Variants in TXNL1 observed in about 807,000 individuals in gnomAD.
TXNL1 encodes thioredoxin-like protein 1.
In TXNL1, 14 loss-of-function variants were observed where a neutral mutation model predicts 35.5. That is an observed-to-expected ratio of 0.39 (90% CI 0.26 to 0.62). TXNL1 has a LOEUF of 0.62. Among genes scored for constraint, TXNL1 ranks in the 20% least tolerant of loss-of-function variants. The pLI, the probability that TXNL1 is intolerant of heterozygous loss-of-function variation, is 0.47. For synonymous variants in TXNL1, 110 were observed against 115.5 expected (o/e 0.95, Z 0.31); for missense variants, 263 against 349.7 (o/e 0.75, Z 1.98).
intron 3 of TXNL1, among the ~76,000 whole-genome samples, chr18:56,619,537 CAAAAA>C (rs71169375): frequency 2.4e-5 from 2 of 82,090 alleles, no homozygotes. Context: ...ACTCTGTCTC[CAAAAA>C]AAAAAAAAAA....
At chr18:56,611,429 G>C (rs1482081439) in intron 6 of TXNL1, among the ~76,000 whole-genome samples, 2 of 151,396 alleles carry the variant, frequency 1.3e-5, no homozygotes, top group Admixed American at 6.6e-5. Flanking sequence ...TTGAATCCAG[G>C]AGGTGGAGGT....
At chr18:56,635,513 G>A (rs2144342892) in intron 1 of TXNL1, among the ~76,000 whole-genome samples, 1 of 152,238 alleles carries the variant, frequency 6.6e-6, no homozygotes, top group African/African-American at 2.4e-5. Flanking sequence ...AAAACAAAAG[G>A]ACAAATATTG....
In TXNL1 at chr18:56,628,344, G is replaced by A. The variant is rs539159397; in HGVS notation, c.99-1887C>T. Among the ~76,000 whole-genome samples, 64 of 152,194 alleles carry A rather than the reference G, an allele frequency of 4.2e-4. 1 individual carries two copies. Among genetic ancestry groups the A allele is most frequent in the Non-Finnish European group, 1.8e-4 (12 of 67,974 alleles). On this transcript the variant is annotated intron_variant, in intron 1 of 7. Coordinates refer to ENST00000217515, the MANE Select transcript of TXNL1 (RefSeq NM_004786.3). ...ACACCAACCCATCAAAATTCCTGGGGAATACATCTAAGACACATGTTCACC... is the reference window on the plus strand; with the variant it reads ...ACACCAACCCATCAAAATTCCTGGGAAATACATCTAAGACACATGTTCACC...
At chr18:56,630,666 C>T (rs1411903670) in intron 1 of TXNL1, among the ~76,000 whole-genome samples, 1 of 152,178 alleles carries the variant, frequency 6.6e-6, no homozygotes, top group African/African-American at 2.4e-5. Context: ...AGACACACAT[C>T]TTGCAGCTGA....
At chr18:56,625,204 CA>C (rs2024256499) in intron 2 of TXNL1, among the ~76,000 whole-genome samples, 1 of 152,086 alleles carries the variant, frequency 6.6e-6, no homozygotes, top group South Asian at 2.1e-4. Context: ...AATGTCTTCT[CA>C]AAGCCTCTAG....
intron 3 of TXNL1, among the ~76,000 whole-genome samples, chr18:56,622,005 C>A (rs2024195695): frequency 3.5e-5 from 4 of 115,768 alleles, no homozygotes; most frequent in Non-Finnish European, 1.8e-5. Context: ...TGTGAAACTC[C>A]ATCTCAAAAA....
intron 7 of TXNL1, chr18:56,610,318 G>A (rs1376346409): frequency 6.6e-6 from 1 of 152,338 alleles, no homozygotes; most frequent in Non-Finnish European, 1.5e-5. Context: ...CTAGGGAACT[G>A]TTGCCCATTA....
chr18:56,614,054 C>CG, intron 6 of TXNL1, among the ~76,000 whole-genome samples: 1 of 152,082 alleles, frequency 6.6e-6, no homozygotes, highest in Non-Finnish European at 1.5e-5. Flanking sequence ...GACCACCACA[C>CG]TTAAAAACTC....
At chr18:56,605,347 T>C (rs1401564208) in intron 7 of TXNL1, 1 of 152,152 alleles carries the variant, frequency 6.6e-6, no homozygotes, top group Non-Finnish European at 1.5e-5. Flanking sequence ...TTTTAAAATA[T>C]CTTCTGTTTT....
In TXNL1 at chr18:56,600,977, A is replaced by G. The variant is rs1598908302; in HGVS notation, c.*2050T>C. On this transcript the variant is annotated 3_prime_UTR_variant, in exon 8 of 8. Coordinates refer to ENST00000217515, the MANE Select transcript of TXNL1 (RefSeq NM_004786.3). ...AAATTCTTTTTTGCTATGTCCGACA[A>G]AATGAACAAGAAACTGAATACCAGT... 1 of 152,356 alleles carries G rather than the reference A, an allele frequency of 6.6e-6. No individual in the cohort carries two copies. Among genetic ancestry groups the G allele is most frequent in the African/African-American group, 2.4e-5 (1 of 41,592 alleles). The allele number at this position is 152,356 out of a possible 1,614,324, so 9.4% of individuals were successfully genotyped here. A position where few individuals can be genotyped will look rare whatever the true frequency, so the allele number is the denominator to read the frequency against.
rs555386727 is a variant in TXNL1, at chr18:56,626,774, C to G, written c.99-317G>C. ...GGCCCCTCCCAAAGTGCTGGGATTA[C>G]AGGCGTGAGCCACCAAGCCGGTCTT... On this transcript the variant is annotated intron_variant, in intron 1 of 7. Transcript: ENST00000217515. Among the ~76,000 whole-genome samples, 5 of 132,866 alleles carry G rather than the reference C, an allele frequency of 3.8e-5. No homozygotes were observed. The South Asian group carries it at 1.3e-3, about 34-fold the overall frequency. The allele number at this position is 132,866 out of a possible 152,430, so 87.2% of individuals were successfully genotyped here.
At chr18:56,623,796 T>C (rs2024230433) in intron 3 of TXNL1, among the ~76,000 whole-genome samples, 1 of 151,932 alleles carries the variant, frequency 6.6e-6, no homozygotes. Flanking sequence ...AATCAGTAAT[T>C]AGACTTTTTT....
chr18:56,637,952 T>C (rs1000369781), intron 1 of TXNL1, among the ~76,000 whole-genome samples: 1 of 152,148 alleles, frequency 6.6e-6, no homozygotes, highest in African/African-American at 2.4e-5. Context: ...AATTAAGCTT[T>C]TGGAGCTCTG....
intron 1 of TXNL1, 105 bp downstream of exon 1, chr18:56,638,238 G>C: frequency 8.2e-7 from 1 of 1,222,750 alleles, no homozygotes; most frequent in Non-Finnish European, 1.1e-6. Context: ...GGCGACTGCC[G>C]GACACTCCGG....
chr18:56,626,485 T>C (rs1213500190), intron 1 of TXNL1, 28 bp from the exon 2 acceptor site: 2 of 1,559,646 alleles, frequency 1.3e-6, no homozygotes, highest in South Asian at 1.1e-5. Flanking sequence ...TTAAGTAAAA[T>C]AACACTAAAG....
At chr18:56,605,449 A>T (rs886092781) in intron 7 of TXNL1, among the ~76,000 whole-genome samples, 1 of 152,230 alleles carries the variant, frequency 6.6e-6, no homozygotes, top group African/African-American at 2.4e-5. Flanking sequence ...AGTTTAGAAA[A>T]GTCTATTTTT....
intron 1 of TXNL1, among the ~76,000 whole-genome samples, chr18:56,634,643 G>A (rs1360431130): frequency 6.6e-6 from 1 of 152,120 alleles, no homozygotes; most frequent in Non-Finnish European, 1.5e-5. Context: ...CTAACTTTAT[G>A]ACATATACCA....
chr18:56,618,246 A>G, intron 3 of TXNL1, 120 bp from the exon 4 acceptor site: 1 of 1,108,886 alleles, frequency 9.0e-7, no homozygotes, highest in Non-Finnish European at 1.3e-6. Flanking sequence ...AAAACAGTTC[A>G]TAAAACTTTT....
Position 56,629,624 on chromosome 18 carries a change from G to A in TXNL1, c.99-3167C>T, listed in dbSNP as rs547973201. Among the ~76,000 whole-genome samples the A allele has an allele frequency of 3.9e-5, 6 of 152,288 alleles. No homozygotes were observed. The East Asian group carries it at 7.7e-4, about 20-fold the overall frequency. ...GTAAAAAGACAGAGACAGGCACAATGAACAGTTAGTATCCATAATTCTGCA... is the reference window on the plus strand; with the variant it reads ...GTAAAAAGACAGAGACAGGCACAATAAACAGTTAGTATCCATAATTCTGCA... On this transcript the variant is annotated intron_variant, in intron 1 of 7. Transcript: ENST00000217515.
Sources: allele counts gnomAD v4.1 joint callset (sites outside exome capture counted in the v4.1 genomes callset), GRCh38; gene constraint gnomAD v4.1.1; transcripts MANE v1.5; gene names NCBI Gene and HGNC (gene_info 2026-07-23, HGNC 2026-07-21).